Variants in DLX2 observed in about 807,000 individuals in gnomAD.
DLX2 encodes the protein distal-less homeobox 2.
DLX2 carries 8 observed loss-of-function variants against 27.4 expected under a neutral mutation model. That is an observed-to-expected ratio of 0.29 (90% confidence interval 0.17 to 0.53). The LOEUF is 0.53. Ranked by LOEUF, DLX2 falls within the 20% of genes least tolerant of loss-of-function variation. The pLI, the probability that DLX2 is intolerant of heterozygous loss-of-function variation, is 0.96. For missense variants in DLX2, 421 were observed against 450.9 expected (o/e 0.93, Z 0.60); for synonymous variants, 210 against 200.8 (o/e 1.05, Z -0.39).
In DLX2 at chr2:172,100,707, C is replaced by T. The variant is rs1188506638; in HGVS notation, c.823G>A (p.Ala275Thr). Reference protein sequence around the residue: ...SGSSPSSAASAFLGNYPWYHQ... With the variant: ...SGSSPSSAASTFLGNYPWYHQ... The stretch of plus-strand genomic sequence containing the variant: ...TACCAGGGGTAGTTGCCCAGAAAAG[C>T]CGAGGCCGCGCTGCTCGGGCTGGAG... Residue 275 changes from alanine to threonine, a missense_variant, in exon 3 of 3, where the codon GCT (alanine) becomes ACT (threonine). Coordinates refer to ENST00000234198, the MANE Select transcript of DLX2 (RefSeq NM_004405.4). This position sits in a 1 kb window ranked among gnomAD's most constrained non-coding sequence, Gnocchi z 4.5. 6.5e-7 allele frequency: 1 copy of T among 1,535,736 alleles called. No homozygotes were observed. Among genetic ancestry groups the T allele is most frequent in the East Asian group, 2.4e-5 (1 of 41,904 alleles).
At position 172,100,612 on chromosome 2, in the gene DLX2, C is replaced by G; in HGVS notation, c.918G>C (p.Pro306=). The change falls in exon 3 of 3, where the codon CCG becomes CCC. Residue 306 remains proline, a synonymous_variant. Transcript: ENST00000234198. This position sits in a 1 kb window ranked among gnomAD's most constrained non-coding sequence, Gnocchi z 4.5. The part of the protein sequence containing the change: ...TAPLLHPTQT[P]QPHHHHHHHG... ...GATGGTGGTGGTGGTGATGCGGCTG[C>G]GGGGTCTGAGTGGGGTGCAGCAGCG... is the stretch of plus-strand genomic sequence containing the variant. The G allele has an allele frequency of 6.4e-7, 1 of 1,571,800 alleles. No individual in the cohort carries two copies. The highest frequency in any genetic ancestry group is 1.2e-5 in the South Asian group (1 of 85,698).
rs1483738555 is a variant in DLX2, at chr2:172,099,632, G to C, written c.*911C>G. On this transcript the variant is annotated 3_prime_UTR_variant, in exon 3 of 3. Transcript: ENST00000234198. ...TTTTTAAAGGAAAAAATAAAAAGGA[G>C]GGGTTGCTGAGGTCACTGCTAAACT... 5 of 152,560 alleles carry C rather than the reference G, an allele frequency of 3.3e-5. No individual in the cohort carries two copies. Among genetic ancestry groups the C allele is most frequent in the Non-Finnish European group, 7.3e-5 (5 of 68,036 alleles). The allele number at this position is 152,560 out of a possible 1,614,324, so 9.5% of individuals were successfully genotyped here.
chr2:172,101,869 A>G (rs1445278757), intron 1 of DLX2, among the ~76,000 whole-genome samples: 1 of 152,224 alleles, frequency 6.6e-6, no homozygotes, highest in Non-Finnish European at 1.5e-5. Context: ...ACCCAAGAGA[A>G]AGAAGCTGGT....
chr2:172,101,736 T>G, intron 1 of DLX2, 90 bp from the exon 2 acceptor site: 1 of 1,399,860 alleles, frequency 7.1e-7, no homozygotes, highest in South Asian at 1.3e-5. Context: ...GGACTTGGCT[T>G]GAGCAAAGAG....
In DLX2 at chr2:172,100,590, G is replaced by C. The variant is rs1464591996; in HGVS notation, c.940C>G (p.His314Asp). 1 of 1,573,982 alleles carries C rather than the reference G, an allele frequency of 6.4e-7. No individual in the cohort carries two copies. Residue 314 changes from histidine to aspartate, a missense_variant, in exon 3 of 3, where the codon CAT becomes GAT. Around this residue, in one of 5 missense-constraint regions of DLX2, gnomAD observed 185 missense variants for 171.1 expected, o/e 1.08. Transcript: ENST00000234198. The surrounding 1 kb of genome is among the most constrained non-coding windows in gnomAD (Gnocchi z 4.5). Reference protein sequence around the residue: ...QTPQPHHHHHHHGGGGAPVSA... With the variant: ...QTPQPHHHHHDHGGGGAPVSA... ...ACCGGGGCGCCCCCGCCGCCGTGAT[G>C]GTGGTGGTGGTGATGCGGCTGCGGG... is the stretch of plus-strand genomic sequence containing the variant.
chr2:172,102,186 G>A lies in DLX2; in HGVS notation c.353C>T (p.Ser118Phe). 6 of 1,614,172 alleles carry A rather than the reference G, an allele frequency of 3.7e-6. No homozygotes were observed. Among genetic ancestry groups the A allele is most frequent in the Non-Finnish European group, 5.1e-6 (6 of 1,180,010 alleles). ...YDLGYTAAYT[S>F]YAPYGTSSSP... is the part of the protein sequence containing the mutation. ...CGAACTGGTTCCATAGGGAGCGTAGGAGGTGTAGGCGGCGGTGTAGCCCAG... is the reference window on the plus strand; with the variant it reads ...CGAACTGGTTCCATAGGGAGCGTAGAAGGTGTAGGCGGCGGTGTAGCCCAG... Residue 118 changes from serine (S) to phenylalanine (F), a missense_variant, in exon 1 of 3, where the codon TCC (serine) becomes TTC (phenylalanine). Ser to Phe is a radical substitution (Grantham distance 155, BLOSUM62 -2). Coordinates refer to ENST00000234198, the MANE Select transcript of DLX2 (RefSeq NM_004405.4).
chr2:172,102,700 AG>A lies in DLX2; in HGVS notation c.-163del. On this transcript the variant is annotated 5_prime_UTR_variant, in exon 1 of 3. Transcript: ENST00000234198. ...GTCTAGGCGCCTCCTCCTCCGGGGG[AG>A]GCGATCACCGTGCGCTGCTCGGGAC... is the stretch of plus-strand genomic sequence containing the variant. The A allele has an allele frequency of 3.0e-6, 2 of 670,676 alleles. No individual in the cohort carries two copies. The highest frequency in any genetic ancestry group is 4.9e-6 in the Non-Finnish European group (2 of 410,266). 41.5% of individuals were successfully genotyped at this position (670,676 alleles called of 1,614,324 possible).
rs1691189230 is a variant in DLX2, at chr2:172,102,753, G to C, written c.-215C>G. The C allele has an allele frequency of 2.0e-6, 1 of 507,626 alleles. No homozygotes were observed. Among genetic ancestry groups the C allele is most frequent in the Admixed American group, 3.8e-5 (1 of 26,126 alleles). 31.4% of individuals were successfully genotyped at this position (507,626 alleles called of 1,614,324 possible). A position where few individuals can be genotyped will look rare whatever the true frequency, so the allele number is the denominator to read the frequency against. Reference sequence around the variant, plus strand: ...GCTGCCTCTGGTCGCATCCTCTTTCGGCCTCTGGGCCCGCTCGGCTCCTTG... The same window carrying C: ...GCTGCCTCTGGTCGCATCCTCTTTCCGCCTCTGGGCCCGCTCGGCTCCTTG... On this transcript the variant is annotated 5_prime_UTR_variant, in exon 1 of 3. Transcript: ENST00000234198.
Position 172,100,971 on chromosome 2 carries a change from G to C in DLX2, c.586-27C>G. ...TTTGAGGAAAAAGACCTGAGCATTAGTGGAGGAACCTAGTCTTGGGGCAGT... is the reference window on the plus strand; with the variant it reads ...TTTGAGGAAAAAGACCTGAGCATTACTGGAGGAACCTAGTCTTGGGGCAGT... On this transcript the variant is annotated intron_variant, in intron 2 of 2. Transcript: ENST00000234198. This position sits in a 1 kb window ranked among gnomAD's most constrained non-coding sequence, Gnocchi z 4.5. The C allele has an allele frequency of 1.2e-6, 2 of 1,603,010 alleles. No homozygotes were observed. The highest frequency in any genetic ancestry group is 1.7e-6 in the Non-Finnish European group (2 of 1,175,750).
intron 2 of DLX2, 171 bp downstream of exon 2, chr2:172,101,291 G>A: frequency 2.6e-6 from 2 of 780,528 alleles, no homozygotes; most frequent in South Asian, 3.8e-5. Context: ...GCGGCCCCTT[G>A]GGGGTTTCCA....
Position 172,100,716 on chromosome 2 carries a change from C to A in DLX2, c.814G>T (p.Ala272Ser). The A allele has an allele frequency of 6.5e-7, 1 of 1,528,854 alleles. No homozygotes were observed. Among genetic ancestry groups the A allele is most frequent in the Non-Finnish European group, 8.7e-7 (1 of 1,148,304 alleles). The allele number at this position is 1,528,854 out of a possible 1,614,324, so 94.7% of individuals were successfully genotyped here. Residue 272 changes from alanine (A) to serine (S), a missense_variant, in exon 3 of 3, where the codon GCG (alanine) becomes TCG (serine). Ala to Ser is a moderately conservative substitution (Grantham distance 99, BLOSUM62 1). Transcript: ENST00000234198. The surrounding 1 kb of genome is among the most constrained non-coding windows in gnomAD (Gnocchi z 4.5). ...TAGTTGCCCAGAAAAGCCGAGGCCG[C>A]GCTGCTCGGGCTGGAGCCCGAGCTG... ...AGSSGSSPSSAASAFLGNYPW... is the reference protein window; with the variant it reads ...AGSSGSSPSSSASAFLGNYPW...
chr2:172,101,581 G>T lies in DLX2; in HGVS notation c.466C>A (p.Arg156Ser), dbSNP rs771378355. 1 of 1,614,126 alleles carries T rather than the reference G, an allele frequency of 6.2e-7. No individual in the cohort carries two copies. Among genetic ancestry groups the T allele is most frequent in the African/African-American group, 1.3e-5 (1 of 74,940 alleles). ...AGCTGGAAACTGGAGTAGATGGTGC[G>T]GGGTTTCCGGACTTTCTTTGGCTTC... is the stretch of plus-strand genomic sequence containing the variant. ...NGKPKKVRKP[R>S]TIYSSFQLAA... The change falls in exon 2 of 3, where the codon CGC (arginine) becomes AGC (serine). Residue 156 changes from arginine (R) to serine (S), a missense_variant. Transcript: ENST00000234198.
chr2:172,101,379 T>TA (rs1328775017), intron 2 of DLX2, 83 bp downstream of exon 2: 55 of 1,382,036 alleles, frequency 4.0e-5, no homozygotes, highest in Non-Finnish European at 5.0e-5. Context: ...AAATGAACTT[T>TA]AAAAAGCATT....
At position 172,102,203 on chromosome 2, in the gene DLX2, G is replaced by A; in HGVS notation, c.336C>T (p.Tyr112=). The A allele has an allele frequency of 6.2e-7, 1 of 1,614,220 alleles. No homozygotes were observed. Among genetic ancestry groups the A allele is most frequent in the Non-Finnish European group, 8.5e-7 (1 of 1,180,034 alleles). ...GAGCGTAGGAGGTGTAGGCGGCGGT[G>A]TAGCCCAGGTCATAGCTGCTCTTGG... ...YSAKSSYDLG[Y]TAAYTSYAPY... is the part of the protein sequence containing the mutation. The change falls in exon 1 of 3, where the codon TAC becomes TAT. Residue 112 remains tyrosine, a synonymous_variant. Coordinates refer to ENST00000234198, the MANE Select transcript of DLX2 (RefSeq NM_004405.4).
At position 172,102,253 on chromosome 2, in the gene DLX2, C is replaced by A. The variant is rs997972261; in HGVS notation, c.286G>T (p.Gly96Cys). The A allele has an allele frequency of 8.1e-6, 13 of 1,614,038 alleles. No homozygotes were observed. The highest frequency in any genetic ancestry group is 1.7e-5 in the Admixed American group (1 of 60,008). The change falls in exon 1 of 3, where the codon GGC becomes TGC. Residue 96 changes from glycine to cysteine, a missense_variant. Around this residue, in one of 5 missense-constraint regions of DLX2, gnomAD observed 141 missense variants for 123.5 expected, o/e 1.14. Coordinates refer to ENST00000234198, the MANE Select transcript of DLX2 (RefSeq NM_004405.4). ...HMGSYQYQASGLNNVPYSAKS... is the reference protein window; with the variant it reads ...HMGSYQYQASCLNNVPYSAKS... ...GCGGAGTAAGGGACGTTGTTGAGGCCGCTGGCTTGGTACTGGTAGGAACCC... is the reference window on the plus strand; with the variant it reads ...GCGGAGTAAGGGACGTTGTTGAGGCAGCTGGCTTGGTACTGGTAGGAACCC...
At chr2:172,101,313 A>G (rs1006824543) in intron 2 of DLX2, 149 bp downstream of exon 2, 2 of 954,926 alleles carry the variant, frequency 2.1e-6, no homozygotes, top group Admixed American at 2.9e-5. Context: ...CTTTGGGCCT[A>G]GAAGCTTACT....
At position 172,100,979 on chromosome 2, in the gene DLX2, AC is replaced by A; in HGVS notation, c.586-36del. 6.3e-7 allele frequency: 1 copy of A among 1,598,138 alleles called. No individual in the cohort carries two copies. Among genetic ancestry groups the A allele is most frequent in the Non-Finnish European group, 8.5e-7 (1 of 1,173,130 alleles). ...AAAAGACCTGAGCATTAGTGGAGGAACCTAGTCTTGGGGCAGTAGGGGTTCG... is the reference window on the plus strand; with the variant it reads ...AAAAGACCTGAGCATTAGTGGAGGAACTAGTCTTGGGGCAGTAGGGGTTCG... On this transcript the variant is annotated intron_variant, in intron 2 of 2. Transcript: ENST00000234198. The surrounding 1 kb of genome is among the most constrained non-coding windows in gnomAD (Gnocchi z 4.5).
rs775542796 is a variant in DLX2, at chr2:172,102,683, G to T, written c.-145C>A. On this transcript the variant is annotated 5_prime_UTR_variant, in exon 1 of 3. Coordinates refer to ENST00000234198, the MANE Select transcript of DLX2 (RefSeq NM_004405.4). ...CAAGAAAGGAGGCAACCGTCTAGGC[G>T]CCTCCTCCTCCGGGGGAGGCGATCA... 9 of 783,264 alleles carry T rather than the reference G, an allele frequency of 1.1e-5. No individual in the cohort carries two copies. The highest frequency in any genetic ancestry group is 1.6e-5 in the Non-Finnish European group (8 of 506,770). The allele number at this position is 783,264 out of a possible 1,614,324, so 48.5% of individuals were successfully genotyped here.
chr2:172,101,664 C>A lies in DLX2; in HGVS notation c.401-18G>T. The stretch of plus-strand genomic sequence containing the variant: ...CTCCTTCTCTGCAACGATAAAGAAT[C>A]GTAAGAACAGCGCAACCCAGGGGTC... On this transcript the variant is annotated intron_variant, in intron 1 of 2. Coordinates refer to ENST00000234198, the MANE Select transcript of DLX2 (RefSeq NM_004405.4). 1 of 1,612,684 alleles carries A rather than the reference C, an allele frequency of 6.2e-7. No homozygotes were observed. The highest frequency in any genetic ancestry group is 1.7e-5 in the Admixed American group (1 of 59,898).
Sources: allele counts gnomAD v4.1 joint callset (sites outside exome capture counted in the v4.1 genomes callset), GRCh38; gene constraint gnomAD v4.1.1; regional missense constraint gnomAD v4.1.1; non-coding constraint Gnocchi (gnomAD v3.1); transcripts MANE v1.5; gene names NCBI Gene and HGNC (gene_info 2026-07-23, HGNC 2026-07-21).